Variants in RSU1 observed in about 807,000 individuals in gnomAD.
RSU1 encodes Ras suppressor protein 1.
A neutral mutation model predicts 31.1 loss-of-function variants in RSU1; 26 were observed. That is an observed-to-expected ratio of 0.84 (90% CI 0.61 to 1.16). The LOEUF (loss-of-function observed/expected upper bound fraction) is 1.16, where lower values mean the gene tolerates loss of function less well. RSU1 is among the 50% of genes most tolerant of loss of function. The pLI is 0.00. For missense variants in RSU1, 320 were observed against 339.1 expected (o/e 0.94, Z 0.44); for synonymous variants, 164 against 136.3 (o/e 1.20, Z -1.41).
At chr10:16,737,458 T>A (rs1454412773) in intron 7 of RSU1, among the ~76,000 whole-genome samples, 7 of 148,178 alleles carry the variant, frequency 4.7e-5, no homozygotes, top group East Asian at 2.0e-4. Flanking sequence ...AAGGTAGAAG[T>A]AAAAAAAATA....
intron 8 of RSU1, among the ~76,000 whole-genome samples, chr10:16,661,894 C>T (rs1834897063): frequency 6.6e-6 from 1 of 152,178 alleles, no homozygotes; most frequent in Admixed American, 6.5e-5. Context: ...TGAGGATTTT[C>T]CTCTACTCTT....
chr10:16,764,171 G>A (rs1216760107), intron 4 of RSU1, among the ~76,000 whole-genome samples: 2 of 151,970 alleles, frequency 1.3e-5, no homozygotes, highest in Non-Finnish European at 2.9e-5. Context: ...TCCTTATTGC[G>A]CCAACAATTA....
At chr10:16,718,613 CT>C (rs145340992) in intron 7 of RSU1, among the ~76,000 whole-genome samples, 5,280 of 152,082 alleles carry the variant, frequency 0.035, 313 homozygotes, top group African/African-American at 0.12. Flanking sequence ...AAAAGTAGGC[CT>C]TCTCAGAATG....
chr10:16,736,603 T>G (rs1415088042), intron 7 of RSU1, among the ~76,000 whole-genome samples: 1 of 152,086 alleles, frequency 6.6e-6, no homozygotes, highest in Non-Finnish European at 1.5e-5. Context: ...TGTACTATTC[T>G]TAATGTCTAC....
intron 2 of RSU1, among the ~76,000 whole-genome samples, chr10:16,790,182 T>C (rs550141974): frequency 1.2e-3 from 186 of 152,210 alleles, no homozygotes; most frequent in African/African-American, 4.4e-3. Flanking sequence ...AGAAAGACAA[T>C]CAAGGACTCA....
chr10:16,709,603 G>A (rs897758678), intron 7 of RSU1, among the ~76,000 whole-genome samples: 4 of 152,188 alleles, frequency 2.6e-5, no homozygotes, highest in African/African-American at 9.7e-5. Context: ...CTAGTTTACA[G>A]TCCCACCAAC....
At chr10:16,729,688 T>G (rs1836467634) in intron 7 of RSU1, among the ~76,000 whole-genome samples, 1 of 152,080 alleles carries the variant, frequency 6.6e-6, no homozygotes, top group African/African-American at 2.4e-5. Flanking sequence ...GGGTTAGGGG[T>G]TTATTTTTCT....
intron 8 of RSU1, among the ~76,000 whole-genome samples, chr10:16,610,548 C>A (rs149165085): frequency 9.0e-4 from 137 of 152,296 alleles, no homozygotes; most frequent in South Asian, 8.9e-3. Flanking sequence ...TGCGAGAGAT[C>A]TAGGTTGCAC....
chr10:16,607,114 G>GA lies in RSU1; in HGVS notation c.732-13619dup, dbSNP rs570384260. Among the ~76,000 whole-genome samples, 20 of 152,292 alleles carry GA rather than the reference G, an allele frequency of 1.3e-4. No individual in the cohort carries two copies. The South Asian group carries it at 4.2e-3, about 32-fold the overall frequency. On this transcript the variant is annotated intron_variant, in intron 8 of 8. Transcript: ENST00000345264. Reference sequence around the variant, plus strand: ...ACTATCCCCTTGGTGCTGTTCTCGTGATAGTGAGTGAGTTCTCGCGAGATC... The same window carrying GA: ...ACTATCCCCTTGGTGCTGTTCTCGTGAATAGTGAGTGAGTTCTCGCGAGATC...
chr10:16,654,125 C>A (rs998350430), intron 8 of RSU1, among the ~76,000 whole-genome samples: 1 of 151,764 alleles, frequency 6.6e-6, no homozygotes, highest in South Asian at 2.1e-4. Context: ...GCTTTAGCAT[C>A]CTGAGTAGCT....
chr10:16,808,834 A>C (rs569089624), intron 2 of RSU1, among the ~76,000 whole-genome samples: 1 of 152,328 alleles, frequency 6.6e-6, no homozygotes, highest in South Asian at 2.1e-4. Context: ...GGTGGACCCT[A>C]TCCCAATCTG....
chr10:16,643,958 G>A lies in RSU1; in HGVS notation c.732-50462C>T, dbSNP rs138974159. Among the ~76,000 whole-genome samples the A allele has an allele frequency of 3.5e-3, 532 of 152,012 alleles. 4 individuals are homozygous for A. The highest frequency in any genetic ancestry group is 0.012 in the African/African-American group (501 of 41,468). ...ACAGTGTAACAACTATTTACATAAC[G>A]TTGACATCATATTGGGTATTACAAG... On this transcript the variant is annotated intron_variant, in intron 8 of 8. Transcript: ENST00000345264.
chr10:16,699,784 G>A (rs1413535596), intron 7 of RSU1, among the ~76,000 whole-genome samples: 1 of 152,254 alleles, frequency 6.6e-6, no homozygotes, highest in Non-Finnish European at 1.5e-5. Context: ...GGCCACTGGG[G>A]AAGCCAGGCA....
At chr10:16,671,905 C>T (rs965169607) in intron 8 of RSU1, among the ~76,000 whole-genome samples, 3 of 151,176 alleles carry the variant, frequency 2.0e-5, no homozygotes, top group Non-Finnish European at 4.4e-5. Flanking sequence ...GGATTACAGG[C>T]ATGAGCCACC....
At chr10:16,713,074 T>A (rs547709894) in intron 7 of RSU1, among the ~76,000 whole-genome samples, 1 of 152,328 alleles carries the variant, frequency 6.6e-6, no homozygotes, top group South Asian at 2.1e-4. Context: ...TGCTGAGAAA[T>A]CTACTAGTAG....
intron 5 of RSU1, 26 bp downstream of exon 5, chr10:16,754,845 G>A: frequency 2.1e-6 from 3 of 1,423,114 alleles, no homozygotes; most frequent in Non-Finnish European, 3.0e-6. Flanking sequence ...AGGTTGAGGA[G>A]ATTTATAGAA....
intron 8 of RSU1, among the ~76,000 whole-genome samples, chr10:16,630,668 C>T (rs941646156): frequency 8.5e-5 from 13 of 152,178 alleles, no homozygotes; most frequent in African/African-American, 1.9e-4. Flanking sequence ...GCTACAGGTG[C>T]GTTTCATGAT....
chr10:16,614,915 C>A (rs921674277), intron 8 of RSU1, among the ~76,000 whole-genome samples: 1 of 152,172 alleles, frequency 6.6e-6, no homozygotes, highest in African/African-American at 2.4e-5. Flanking sequence ...AAATTTGTAA[C>A]AGCCACTGCA....
At chr10:16,646,800 G>A (rs12247149) in intron 8 of RSU1, among the ~76,000 whole-genome samples, 8,830 of 152,240 alleles carry the variant, frequency 0.058, 872 homozygotes, top group African/African-American at 0.2. Flanking sequence ...CATCAAAGCC[G>A]TTAGGGAAAT....
Sources: gnomAD v4.1 joint callset for allele counts (sites outside exome capture counted in the v4.1 genomes callset) on GRCh38, gnomAD v4.1.1 for gene constraint, MANE v1.5 for transcripts, NCBI Gene and HGNC (gene_info 2026-07-23, HGNC 2026-07-21) for gene names.